The following POGZ variants were observed in gnomAD, a reference collection of about 807,000 sequenced individuals.
POGZ encodes pogo transposable element with ZNF domain.
Under a neutral mutation model 134.6 loss-of-function variants are expected in POGZ, and 17 were observed. That is an observed-to-expected ratio of 0.13 (90% CI 0.09 to 0.19). POGZ has a LOEUF of 0.19. Ranked by LOEUF, POGZ falls within the 10% of genes least tolerant of loss-of-function variation. The probability of loss-of-function intolerance (pLI) is 1.00; values close to 1 mark genes in which losing one functional copy is unlikely to be tolerated. For synonymous variants in POGZ, 693 were observed against 657.1 expected (o/e 1.05, Z -0.84); for missense variants, 1,306 against 1,769.7 (o/e 0.74, Z 4.70).
chr1:151,415,670 C>CAAA (rs749459920), intron 10 of POGZ, among the ~76,000 whole-genome samples: 10 of 54,198 alleles, frequency 1.8e-4, no homozygotes, highest in African/African-American at 3.9e-4. Context: ...GACTCCGTCT[C>CAAA]AAAAAAAAAA....
chr1:151,416,587 TAAACAAGTGTGAATAAAA>T (rs1655745198), intron 10 of POGZ, among the ~76,000 whole-genome samples: 1 of 150,840 alleles, frequency 6.6e-6, no homozygotes, highest in Non-Finnish European at 1.5e-5. Flanking sequence ...GCACTGCTCT[TAAACAAGTGTGAATAAAA>T]ATGTAATACT....
chr1:151,445,063 T>C (rs1661072473), intron 1 of POGZ, among the ~76,000 whole-genome samples: 1 of 151,016 alleles, frequency 6.6e-6, no homozygotes, highest in Non-Finnish European at 1.5e-5. Flanking sequence ...CAAAATAAAA[T>C]AAAAAACAAA....
intron 10 of POGZ, among the ~76,000 whole-genome samples, chr1:151,419,048 A>G (rs1656345199): frequency 1.4e-5 from 2 of 147,580 alleles, no homozygotes; most frequent in Middle Eastern, 3.5e-3. Context: ...AAAAAAAAAG[A>G]AAAAAAGAAA....
At position 151,405,761 on chromosome 1, in the gene POGZ, T is replaced by A; in HGVS notation, c.3274A>T (p.Thr1092Ser). 6.2e-7 allele frequency: 1 copy of A among 1,614,106 alleles called. No homozygotes were observed. The highest frequency in any genetic ancestry group is 1.1e-5 in the South Asian group (1 of 91,076). Residue 1092 changes from threonine to serine, a missense_variant, in exon 19 of 19, where the codon ACC (threonine) becomes TCC (serine). This residue lies in a region of POGZ where 161 missense variants were observed against 185.4 expected (regional missense o/e 0.87). Coordinates refer to ENST00000271715, the MANE Select transcript of POGZ (RefSeq NM_015100.4). The surrounding 1 kb of genome is among the most constrained non-coding windows in gnomAD (Gnocchi z 4.9). ...TPHARRAVAHTLPKDVAENAG... is the reference protein window; with the variant it reads ...TPHARRAVAHSLPKDVAENAG... ...TTCTCTGCTACATCCTTAGGTAGGG[T>A]GTGGGCCACAGCTCGCCGGGCATGG...
chr1:151,423,584 A>AC lies in POGZ; in HGVS notation c.1524-34dup, dbSNP rs770829147. On this transcript the variant is annotated intron_variant, in intron 9 of 18. Coordinates refer to ENST00000271715, the MANE Select transcript of POGZ (RefSeq NM_015100.4). ...AAAGCACAAAGAGAAAGTACAGAAA[A>AC]CATAAAAAATTGGTAGCCTTTTAGA... 1.9e-6 allele frequency: 3 copies of AC among 1,553,750 alleles called. No individual in the cohort carries two copies. In the Admixed American group the frequency reaches 5.8e-5, roughly 30 times the overall value.
chr1:151,405,602 TCTC>T lies in POGZ; in HGVS notation c.3430_3432del (p.Glu1144del), dbSNP rs1466000836. 5.6e-6 allele frequency: 9 copies of T among 1,614,030 alleles called. No homozygotes were observed. Among genetic ancestry groups the T allele is most frequent in the South Asian group, 1.1e-5 (1 of 91,086 alleles). On this transcript the variant is annotated inframe_deletion, in exon 19 of 19. Coordinates refer to ENST00000271715, the MANE Select transcript of POGZ (RefSeq NM_015100.4). This position sits in a 1 kb window ranked among gnomAD's most constrained non-coding sequence, Gnocchi z 4.9. ...CCTGTGCCCACTGTCTGCAGGGCAT[TCTC>T]CTTTCGATCATCACTGCTCAGCACC...
intron 10 of POGZ, among the ~76,000 whole-genome samples, chr1:151,416,838 G>T (rs1053728538): frequency 6.6e-6 from 1 of 151,878 alleles, no homozygotes; most frequent in Non-Finnish European, 1.5e-5. Context: ...CACTATATTC[G>T]CCAGGCTGTT....
At position 151,430,858 on chromosome 1, in the gene POGZ, G is replaced by GAA. The variant is rs113396244; in HGVS notation, c.284-19_284-18dup. The GAA allele has an allele frequency of 4.0e-4, 493 of 1,242,936 alleles. No homozygotes were observed. In the East Asian group the frequency reaches 0.011, roughly 28 times the overall value. 77.0% of individuals were successfully genotyped at this position (1,242,936 alleles called of 1,614,324 possible). ...GATTGCCAGCTAAAGGGTAAAGGAA[G>GAA]AAAAAAAAAAAGGAATGTTAGAAAC... On this transcript the variant is annotated splice_polypyrimidine_tract_variant and intron_variant, in intron 3 of 18. Coordinates refer to ENST00000271715, the MANE Select transcript of POGZ (RefSeq NM_015100.4).
chr1:151,450,560 C>T (rs1250986648), intron 1 of POGZ, among the ~76,000 whole-genome samples: 1 of 152,056 alleles, frequency 6.6e-6, no homozygotes, highest in Non-Finnish European at 1.5e-5. Flanking sequence ...GCCATATTGC[C>T]CAGGCTGGTC....
At chr1:151,423,849 A>G in intron 9 of POGZ, 100 bp downstream of exon 9, 1 of 864,908 alleles carries the variant, frequency 1.2e-6, no homozygotes, top group Non-Finnish European at 1.8e-6. Context: ...AAGACTGCAT[A>G]GTAGTTAGGT....
chr1:151,444,766 A>G (rs1486431338), intron 1 of POGZ, among the ~76,000 whole-genome samples: 2 of 152,202 alleles, frequency 1.3e-5, no homozygotes, highest in Non-Finnish European at 2.9e-5. Flanking sequence ...ATGAATTTTA[A>G]TAAGAATATT....
Position 151,405,018 on chromosome 1 carries a change from A to G in POGZ, c.4017T>C (p.Pro1339=). The part of the protein sequence containing the change: ...LPGPDGNINS[P]TRNADMQEEL... Reference sequence around the variant, plus strand: ...CCTCCTGCATGTCAGCATTTCTTGTAGGTGAGTTAATGTTGCCATCGGGGC... The same window carrying G: ...CCTCCTGCATGTCAGCATTTCTTGTGGGTGAGTTAATGTTGCCATCGGGGC... Residue 1339 remains proline (P), a synonymous_variant, in exon 19 of 19, where the codon CCT becomes CCC. Coordinates refer to ENST00000271715, the MANE Select transcript of POGZ (RefSeq NM_015100.4). This position sits in a 1 kb window ranked among gnomAD's most constrained non-coding sequence, Gnocchi z 4.9. 1 of 1,614,188 alleles carries G rather than the reference A, an allele frequency of 6.2e-7. No homozygotes were observed. Among genetic ancestry groups the G allele is most frequent in the South Asian group, 1.1e-5 (1 of 91,086 alleles).
At chr1:151,441,774 C>T (rs959167417) in intron 2 of POGZ, among the ~76,000 whole-genome samples, 1 of 152,220 alleles carries the variant, frequency 6.6e-6, no homozygotes, top group Non-Finnish European at 1.5e-5. Flanking sequence ...CACTGACACA[C>T]ACACACCACC....
Position 151,406,913 on chromosome 1 carries a change from C to A in POGZ, c.2543G>T (p.Arg848Leu), listed in dbSNP as rs762138684. The change falls in exon 17 of 19, where the codon CGG (arginine) becomes CTG (leucine). Residue 848 changes from arginine (R) to leucine (L), a missense_variant and splice_region_variant. By Grantham distance (102) the Arg-to-Leu change is moderately radical. Coordinates refer to ENST00000271715, the MANE Select transcript of POGZ (RefSeq NM_015100.4). The stretch of plus-strand genomic sequence containing the variant: ...TAATCCCCTTCTCTCCTACTTACCC[C>A]GTGGCAGGATGCTGCTGGATCTGTG... The part of the protein sequence containing the change: ...PSHRSSSILP[R>L]GLTWIAHSRH... 10 of 1,609,792 alleles carry A rather than the reference C, an allele frequency of 6.2e-6. No individual in the cohort carries two copies. Among genetic ancestry groups the A allele is most frequent in the Non-Finnish European group, 8.5e-6 (10 of 1,176,028 alleles).
chr1:151,404,924 G>A lies in POGZ; in HGVS notation c.4111C>T (p.Pro1371Ser), dbSNP rs368356544. 27 of 1,614,090 alleles carry A rather than the reference G, an allele frequency of 1.7e-5. No homozygotes were observed. Among genetic ancestry groups the A allele is most frequent in the Non-Finnish European group, 2.1e-5 (25 of 1,180,058 alleles). Reference protein sequence around the residue: ...GEHSESSTPRPRSSPEETIEP... With the variant: ...GEHSESSTPRSRSSPEETIEP... ...ATTGTCTCTTCAGGAGATGATCTGG[G>A]TCGTGGAGTGGAAGACTCAGAATGT... Residue 1371 changes from proline (P) to serine (S), a missense_variant, in exon 19 of 19, where the codon CCC becomes TCC. Pro to Ser is a moderately conservative substitution (Grantham distance 74). This residue lies in a region of POGZ where 107 missense variants were observed against 97.9 expected (regional missense o/e 1.09). Coordinates refer to ENST00000271715, the MANE Select transcript of POGZ (RefSeq NM_015100.4).
chr1:151,408,323 A>G, intron 14 of POGZ, 83 bp from the exon 15 acceptor site: 2 of 1,571,636 alleles, frequency 1.3e-6, no homozygotes, highest in South Asian at 1.2e-5. Context: ...AAACCCTGCT[A>G]AAAAGCTACC....
chr1:151,452,067 A>T (rs1662160312), intron 1 of POGZ, among the ~76,000 whole-genome samples: 1 of 145,324 alleles, frequency 6.9e-6, no homozygotes, highest in African/African-American at 2.6e-5. Context: ...ATTGCACTCC[A>T]GCCTGGGCAA....
At chr1:151,419,042 A>AAG (rs1553221122) in intron 10 of POGZ, among the ~76,000 whole-genome samples, 1 of 149,760 alleles carries the variant, frequency 6.7e-6, no homozygotes, top group Non-Finnish European at 1.5e-5. Flanking sequence ...AAAAAAAAAA[A>AAG]AAAAGAAAAA....
intron 1 of POGZ, among the ~76,000 whole-genome samples, chr1:151,444,266 A>T (rs1329943992): frequency 2.0e-5 from 3 of 152,226 alleles, no homozygotes; most frequent in African/African-American, 7.2e-5. Context: ...TTTCAGGCTT[A>T]ATTATATGAA....
Sources: gnomAD v4.1 joint callset for allele counts (sites outside exome capture counted in the v4.1 genomes callset) on GRCh38, gnomAD v4.1.1 for gene constraint, gnomAD v4.1.1 regional missense constraint, Gnocchi (gnomAD v3.1) non-coding constraint, MANE v1.5 for transcripts, NCBI Gene and HGNC (gene_info 2026-07-23, HGNC 2026-07-21) for gene names.